RETREG1: variants seen among roughly 807,000 people sequenced by gnomAD.
RETREG1 encodes the protein reticulophagy regulator 1, also known as family with sequence similarity 134 member B.
A neutral mutation model predicts 54.8 loss-of-function variants in RETREG1; 44 were observed. The observed-to-expected ratio is 0.80, with a 90% CI of 0.63 to 1.03. RETREG1 has a LOEUF of 1.03. RETREG1 is among the 50% of genes least tolerant of loss of function. The pLI, the probability that RETREG1 is intolerant of heterozygous loss-of-function variation, is 0.00. For synonymous variants in RETREG1, 217 were observed against 238.5 expected (o/e 0.91, Z 0.83); for missense variants, 554 against 605.1 (o/e 0.92, Z 0.89).
At chr5:16,514,913 A>ATT (rs1554018609) in intron 3 of RETREG1, among the ~76,000 whole-genome samples, 1 of 144,068 alleles carries the variant, frequency 6.9e-6, no homozygotes, top group African/African-American at 2.5e-5. Flanking sequence ...ATATATATAT[A>ATT]ATATATATTA....
chr5:16,562,739 C>T (rs554820788), intron 3 of RETREG1, among the ~76,000 whole-genome samples: 1 of 152,260 alleles, frequency 6.6e-6, no homozygotes, highest in South Asian at 2.1e-4. Context: ...ATGACTAGTA[C>T]ACCTCAAAAC....
At chr5:16,577,752 G>T (rs1409323446) in intron 1 of RETREG1, among the ~76,000 whole-genome samples, 1 of 152,026 alleles carries the variant, frequency 6.6e-6, no homozygotes, top group Non-Finnish European at 1.5e-5. Context: ...TCACAGGGGC[G>T]GTTTCTCCCA....
intron 3 of RETREG1, among the ~76,000 whole-genome samples, chr5:16,529,343 C>A (rs1032985844): frequency 6.6e-6 from 1 of 152,110 alleles, no homozygotes; most frequent in Admixed American, 6.5e-5. Flanking sequence ...CTAGACCTGG[C>A]GAGTGTCTGT....
rs756411616 is a variant in RETREG1 at position 16,474,843 on chromosome 5, A to G, written c.1392T>C (p.Asp464=). 6.8e-6 allele frequency: 11 copies of G among 1,613,768 alleles called. No homozygotes were observed. Among genetic ancestry groups the G allele is most frequent in the Non-Finnish European group, 9.3e-6 (11 of 1,179,920 alleles). ...DFELLDQSEL[D]QIESELGLTQ... is the part of the protein sequence containing the mutation. Reference sequence around the variant, plus strand: ...TAAGTCCCAATTCACTCTCAATTTGATCCAGCTCTGACTGGTCAAGTAGTT... The same window carrying G: ...TAAGTCCCAATTCACTCTCAATTTGGTCCAGCTCTGACTGGTCAAGTAGTT... Residue 464 remains aspartate (D), a synonymous_variant, in exon 9 of 9, where the codon GAT becomes GAC. Transcript: ENST00000306320.
chr5:16,508,504 A>T, intron 3 of RETREG1: 2 of 1,357,896 alleles, frequency 1.5e-6, no homozygotes, highest in South Asian at 2.4e-5. Context: ...TAAATTAGTC[A>T]TAATATTTTT....
chr5:16,562,279 C>T (rs1265245200), intron 3 of RETREG1, among the ~76,000 whole-genome samples: 1 of 152,120 alleles, frequency 6.6e-6, no homozygotes, highest in Admixed American at 6.6e-5. Context: ...CGCGCCATTG[C>T]ACTCCAGCCT....
rs141443096 is a variant in RETREG1, at chr5:16,561,353, T to C, written c.458+4410A>G. Among the ~76,000 whole-genome samples the C allele has an allele frequency of 0.063, 9,628 of 151,708 alleles. 959 individuals carry two copies. The highest frequency in any genetic ancestry group is 0.22 in the African/African-American group (9,083 of 41,300). On this transcript the variant is annotated intron_variant, in intron 3 of 8. Coordinates refer to ENST00000306320, the MANE Select transcript of RETREG1 (RefSeq NM_001034850.3). The surrounding 1 kb of genome is among the most constrained non-coding windows in gnomAD (Gnocchi z 4.2). Reference sequence around the variant, plus strand: ...TCTACTAAAAATACAAAAAATTAGCTGGGCATGGTGGTGGGCACCTGTAGT... The same window carrying C: ...TCTACTAAAAATACAAAAAATTAGCCGGGCATGGTGGTGGGCACCTGTAGT...
intron 2 of RETREG1, among the ~76,000 whole-genome samples, chr5:16,570,235 T>A (rs1742139497): frequency 1.3e-5 from 2 of 152,232 alleles, no homozygotes; most frequent in South Asian, 4.1e-4. Flanking sequence ...TTCTACTACC[T>A]TAATTTTTTT....
At chr5:16,535,146 T>G (rs2126599194) in intron 3 of RETREG1, among the ~76,000 whole-genome samples, 1 of 152,360 alleles carries the variant, frequency 6.6e-6, no homozygotes, top group African/African-American at 2.4e-5. Context: ...CTTTTTTTTC[T>G]TCTCTCTCTC....
chr5:16,587,242 A>G (rs1413908193), intron 1 of RETREG1, among the ~76,000 whole-genome samples: 2 of 152,198 alleles, frequency 1.3e-5, no homozygotes, highest in Non-Finnish European at 2.9e-5. Flanking sequence ...CTACAGAAAA[A>G]AAGTTGATGT....
At chr5:16,520,325 T>TG (rs376429131) in intron 3 of RETREG1, among the ~76,000 whole-genome samples, 77 of 151,704 alleles carry the variant, frequency 5.1e-4, no homozygotes, top group South Asian at 1.0e-3. Context: ...TGGTTTTTTT[T>TG]TTGTTGTTGT....
intron 1 of RETREG1, among the ~76,000 whole-genome samples, chr5:16,614,499 C>G (rs907466161): frequency 2.0e-5 from 3 of 152,218 alleles, no homozygotes; most frequent in Non-Finnish European, 4.4e-5. Context: ...TTTGCAGGAT[C>G]AAAAAGTTTC....
chr5:16,544,952 T>A (rs1242307513), intron 3 of RETREG1, among the ~76,000 whole-genome samples: 1 of 152,192 alleles, frequency 6.6e-6, no homozygotes, highest in Non-Finnish European at 1.5e-5. Flanking sequence ...AGGAACAAAA[T>A]GTATGCCAAG....
At chr5:16,505,985 C>T (rs1444423868) in intron 3 of RETREG1, among the ~76,000 whole-genome samples, 3 of 152,232 alleles carry the variant, frequency 2.0e-5, no homozygotes, top group African/African-American at 2.4e-5. Context: ...ACTAATACCA[C>T]GTATGGCTGA....
At chr5:16,497,423 C>T (rs1739506215) in intron 3 of RETREG1, among the ~76,000 whole-genome samples, 1 of 152,218 alleles carries the variant, frequency 6.6e-6, no homozygotes, top group Admixed American at 6.5e-5. Flanking sequence ...TCAGATTGGA[C>T]ATGTAAAGTA....
At chr5:16,601,528 C>T (rs1039722852) in intron 1 of RETREG1, among the ~76,000 whole-genome samples, 1 of 151,976 alleles carries the variant, frequency 6.6e-6, no homozygotes, top group Non-Finnish European at 1.5e-5. Flanking sequence ...TCCCAAGTAG[C>T]TGGGATTACA....
In RETREG1 at chr5:16,561,438, A is replaced by G. The variant is rs1741851716; in HGVS notation, c.458+4325T>C. Reference sequence around the variant, plus strand: ...CATGAACCTGGGAGGTGGAGCTTGCAGAGAGCCAAGATCGCTCTACCACAC... The same window carrying G: ...CATGAACCTGGGAGGTGGAGCTTGCGGAGAGCCAAGATCGCTCTACCACAC... On this transcript the variant is annotated intron_variant, in intron 3 of 8. Coordinates refer to ENST00000306320, the MANE Select transcript of RETREG1 (RefSeq NM_001034850.3). This position sits in a 1 kb window ranked among gnomAD's most constrained non-coding sequence, Gnocchi z 4.2. Among the ~76,000 whole-genome samples the G allele has an allele frequency of 6.6e-6, 1 of 152,146 alleles. No homozygotes were observed. The highest frequency in any genetic ancestry group is 1.5e-5 in the Non-Finnish European group (1 of 68,024).
At chr5:16,527,714 A>C (rs559841931) in intron 3 of RETREG1, among the ~76,000 whole-genome samples, 33 of 151,600 alleles carry the variant, frequency 2.2e-4, no homozygotes, top group African/African-American at 7.7e-4. Flanking sequence ...TTTCTTCAAA[A>C]AGTTTTAATA....
intron 1 of RETREG1, among the ~76,000 whole-genome samples, chr5:16,575,948 T>C (rs1742306306): frequency 6.6e-6 from 1 of 152,236 alleles, no homozygotes; most frequent in Non-Finnish European, 1.5e-5. Context: ...AGCTGAGTAA[T>C]TTAGACTTGT....
Sources: allele counts gnomAD v4.1 joint callset (sites outside exome capture counted in the v4.1 genomes callset), GRCh38; gene constraint gnomAD v4.1.1; non-coding constraint Gnocchi (gnomAD v3.1); transcripts MANE v1.5; gene names NCBI Gene and HGNC (gene_info 2026-07-23, HGNC 2026-07-21).